Variants in ATP13A3 observed in about 807,000 individuals in gnomAD.
ATP13A3 encodes the protein ATPase 13A3.
In ATP13A3, 59 loss-of-function variants were observed where a neutral mutation model predicts 158.1. The ratio of observed to expected loss-of-function variants is 0.37; its 90% CI spans 0.30 to 0.46. The LOEUF (loss-of-function observed/expected upper bound fraction) is 0.46. Ranked by LOEUF, ATP13A3 falls within the 20% of genes least tolerant of loss-of-function variation. The pLI, the probability that ATP13A3 is intolerant of heterozygous loss-of-function variation, is 1.00. For missense variants in ATP13A3, 1,166 were observed against 1,525.2 expected, an observed-to-expected ratio of 0.76 and a Z score of 3.92; for synonymous variants, 491 against 504.3, an observed-to-expected ratio of 0.97 and a Z score of 0.35.
intron 22 of ATP13A3, among the ~76,000 whole-genome samples, chr3:194,431,491 G>C (rs1164572947): frequency 1.3e-5 from 2 of 152,122 alleles, no homozygotes; most frequent in Non-Finnish European, 2.9e-5. Context: ...TGGAATTCTT[G>C]TACTTTAAAA....
chr3:194,429,174 A>G (rs1203945391), intron 27 of ATP13A3, among the ~76,000 whole-genome samples: 2 of 152,184 alleles, frequency 1.3e-5, no homozygotes, highest in African/African-American at 4.8e-5. Flanking sequence ...CACACCTGTA[A>G]TCCCAGCACT....
rs145391632 is a variant in ATP13A3, at chr3:194,453,491, C to T, written c.838+215G>A. On this transcript the variant is annotated intron_variant, in intron 10 of 33. Transcript: ENST00000645319. ...GCATGCACCTGTAGTCCCAGCTACT[C>T]GGGAGCCTAAAGTGGGAGGATTACT... 0.019 allele frequency among the ~76,000 whole-genome samples: 2,899 copies of T among 151,824 alleles called. 45 individuals are homozygous for T. Among genetic ancestry groups the T allele is most frequent in the Non-Finnish European group, 0.03 (2,009 of 67,962 alleles).
chr3:194,422,733 G>A (rs1231503832), intron 30 of ATP13A3, among the ~76,000 whole-genome samples: 3 of 151,712 alleles, frequency 2.0e-5, no homozygotes, highest in Non-Finnish European at 2.9e-5. Flanking sequence ...TAGTGACTCC[G>A]AAATAAGGTA....
chr3:194,445,572 C>T (rs1472281437), intron 14 of ATP13A3, among the ~76,000 whole-genome samples: 1 of 152,164 alleles, frequency 6.6e-6, no homozygotes, highest in African/African-American at 2.4e-5. Context: ...TTATTATACA[C>T]ACATCTTTTC....
Position 194,481,384 on chromosome 3 carries a change from GA to G in ATP13A3, c.-47+4409del, listed in dbSNP as rs199962148. On this transcript the variant is annotated intron_variant, in intron 2 of 33. Coordinates refer to ENST00000645319, the MANE Select transcript of ATP13A3 (RefSeq NM_001367549.1). ...AACCCTTAAAAGTTGGCTCTCACTGGAAAAAAAAAATGCAAAAGTTTTGAGA... is the reference window on the plus strand; with the variant it reads ...AACCCTTAAAAGTTGGCTCTCACTGGAAAAAAAAATGCAAAAGTTTTGAGA... Among the ~76,000 whole-genome samples the G allele has an allele frequency of 4.4e-4, 65 of 148,572 alleles. 1 individual carries two copies. Among genetic ancestry groups the G allele is most frequent in the Non-Finnish European group, 8.1e-4 (54 of 66,886 alleles).
In ATP13A3 at chr3:194,450,500, T is replaced by TG; in HGVS notation, c.839-225dup. ...TGCTAGGACACCAGCTGTGCACCGG[T>TG]GATGCCAAGTACCCTCTGACGAAGC... is the stretch of plus-strand genomic sequence containing the variant. On this transcript the variant is annotated intron_variant, in intron 10 of 33. Coordinates refer to ENST00000645319, the MANE Select transcript of ATP13A3 (RefSeq NM_001367549.1). 3 of 480,934 alleles carry TG rather than the reference T, an allele frequency of 6.2e-6. No homozygotes were observed. In the East Asian group the frequency reaches 1.2e-4, roughly 19 times the overall value. The allele number at this position is 480,934 out of a possible 1,614,324, so 29.8% of individuals were successfully genotyped here.
At chr3:194,421,284 T>C (rs1341913830) in intron 30 of ATP13A3, among the ~76,000 whole-genome samples, 2 of 145,352 alleles carry the variant, frequency 1.4e-5, no homozygotes, top group African/African-American at 5.2e-5. Context: ...CTGGGCACGG[T>C]GGCTCACGCC....
chr3:194,431,218 C>T lies in ATP13A3; in HGVS notation c.2430G>A (p.Pro810=), dbSNP rs748810295. 26 of 1,611,238 alleles carry T rather than the reference C, an allele frequency of 1.6e-5. No homozygotes were observed. Among genetic ancestry groups the T allele is most frequent in the Middle Eastern group, 1.7e-4 (1 of 6,056 alleles). ...CTAAGCTATCATGGACCAATTTAACCGGAATAGCCTGTGTATATGAGACAT... is the reference window on the plus strand; with the variant it reads ...CTAAGCTATCATGGACCAATTTAACTGGAATAGCCTGTGTATATGAGACAT... ...HPSAIDPEAI[P]VKLVHDSLED... is the part of the protein sequence containing the mutation. The change falls in exon 23 of 34, where the codon CCG becomes CCA. Residue 810 remains proline (P), a synonymous_variant. Coordinates refer to ENST00000645319, the MANE Select transcript of ATP13A3 (RefSeq NM_001367549.1).
Position 194,448,368 on chromosome 3 carries a change from G to C in ATP13A3, c.1150+89C>G. 1 of 1,474,224 alleles carries C rather than the reference G, an allele frequency of 6.8e-7. No individual in the cohort carries two copies. The highest frequency in any genetic ancestry group is 1.2e-5 in the South Asian group (1 of 84,186). 91.3% of individuals were successfully genotyped at this position (1,474,224 alleles called of 1,614,324 possible). ...GCTGGGATTACAGGCGTTAGCCACAGCACCCAGCCCAGAATCTCTTTTTAA... is the reference window on the plus strand; with the variant it reads ...GCTGGGATTACAGGCGTTAGCCACACCACCCAGCCCAGAATCTCTTTTTAA... On this transcript the variant is annotated intron_variant, in intron 12 of 33. Transcript: ENST00000645319. This position sits in a 1 kb window ranked among gnomAD's most constrained non-coding sequence, Gnocchi z 4.0.
Position 194,453,793 on chromosome 3 carries a change from A to C in ATP13A3, c.766-15T>G. 6.2e-7 allele frequency: 1 copy of C among 1,609,202 alleles called. No homozygotes were observed. The highest frequency in any genetic ancestry group is 8.5e-7 in the Non-Finnish European group (1 of 1,176,392). On this transcript the variant is annotated splice_polypyrimidine_tract_variant and intron_variant, in intron 9 of 33. Transcript: ENST00000645319. The stretch of plus-strand genomic sequence containing the variant: ...ATAACATATTGCTGAAAGAGGAAAA[A>C]GAAGTTAGAAACTAGCCAATATGAA...
At chr3:194,419,429 CT>C (rs1716129847) in intron 31 of ATP13A3, among the ~76,000 whole-genome samples, 1 of 152,088 alleles carries the variant, frequency 6.6e-6, no homozygotes, top group African/African-American at 2.4e-5. Flanking sequence ...TATCTCTTTA[CT>C]ATTTTTTAAT....
rs1157870860 is a variant in ATP13A3, at chr3:194,407,754, C to T, written c.3574-1638G>A. Among the ~76,000 whole-genome samples the T allele has an allele frequency of 3.9e-5, 6 of 152,098 alleles. No individual in the cohort carries two copies. The East Asian group carries it at 1.2e-3, about 29-fold the overall frequency. On this transcript the variant is annotated intron_variant, in intron 33 of 33. Coordinates refer to ENST00000645319, the MANE Select transcript of ATP13A3 (RefSeq NM_001367549.1). ...CCTAGTAGCCTTTTTACTGTCATAA[C>T]TAAAGAGAGTTATATCAGCATCACC... is the stretch of plus-strand genomic sequence containing the variant.
rs1714737538 is a variant in ATP13A3 at position 194,403,354 on chromosome 3, T to C, written c.*2565A>G. ...TTAGCCACTTGTATTCAAGCATTAT[T>C]TGCAGCATTGCTTTACAGCAGTTGG... On this transcript the variant is annotated 3_prime_UTR_variant, in exon 34 of 34. Transcript: ENST00000645319. The C allele has an allele frequency of 1.3e-5, 2 of 152,252 alleles. No individual in the cohort carries two copies. Among genetic ancestry groups the C allele is most frequent in the South Asian group, 2.1e-4 (1 of 4,836 alleles). The allele number at this position is 152,252 out of a possible 1,614,324, so 9.4% of individuals were successfully genotyped here.
chr3:194,443,828 A>G (rs1032245598), intron 15 of ATP13A3, among the ~76,000 whole-genome samples: 2 of 152,202 alleles, frequency 1.3e-5, no homozygotes, highest in African/African-American at 4.8e-5. Flanking sequence ...ATAATTTTCA[A>G]TACACAATAT....
rs184890113 is a variant in ATP13A3, at chr3:194,402,823, T to C, written c.*3096A>G. Reference sequence around the variant, plus strand: ...GAGCAGCAATACAATTTTAAAAATATAAAGATGCAGTATCATTTCTGATAT... The same window carrying C: ...GAGCAGCAATACAATTTTAAAAATACAAAGATGCAGTATCATTTCTGATAT... On this transcript the variant is annotated 3_prime_UTR_variant, in exon 34 of 34. Coordinates refer to ENST00000645319, the MANE Select transcript of ATP13A3 (RefSeq NM_001367549.1). 10 of 152,334 alleles carry C rather than the reference T, an allele frequency of 6.6e-5. No individual in the cohort carries two copies. The highest frequency in any genetic ancestry group is 5.9e-4 in the Admixed American group (9 of 15,302). 9.4% of individuals were successfully genotyped at this position (152,334 alleles called of 1,614,324 possible). A position where few individuals can be genotyped will look rare whatever the true frequency, so the allele number is the denominator to read the frequency against.
In ATP13A3 at chr3:194,431,816, A is replaced by G. The variant is rs1205728780; in HGVS notation, c.2322T>C (p.Ala774=). Residue 774 remains alanine (A), a synonymous_variant, in exon 22 of 34, where the codon GCT becomes GCC. Transcript: ENST00000645319. ...TCCCATCCTTTGGAGGTAATGCTTC[A>G]GCAATAATCACTTTATCCTGAGGTA... The part of the protein sequence containing the change: ...MILPQDKVII[A]EALPPKDGKV... The G allele has an allele frequency of 2.3e-5, 37 of 1,613,368 alleles. No homozygotes were observed. The highest frequency in any genetic ancestry group is 3.1e-5 in the Non-Finnish European group (37 of 1,179,726).
intron 15 of ATP13A3, among the ~76,000 whole-genome samples, chr3:194,443,738 A>G (rs1718204419): frequency 6.6e-6 from 1 of 152,198 alleles, no homozygotes; most frequent in Non-Finnish European, 1.5e-5. Flanking sequence ...GAAGACACAA[A>G]CAAAACTACA....
At chr3:194,416,256 G>A (rs185021209) in intron 31 of ATP13A3, among the ~76,000 whole-genome samples, 11 of 152,200 alleles carry the variant, frequency 7.2e-5, no homozygotes, top group African/African-American at 2.4e-4. Context: ...TCAGGAGTTC[G>A]ATACCAGTCT....
At chr3:194,461,159 T>C (rs953823435) in intron 3 of ATP13A3, among the ~76,000 whole-genome samples, 5 of 152,208 alleles carry the variant, frequency 3.3e-5, no homozygotes, top group African/African-American at 1.2e-4. Flanking sequence ...TCTTTTTAAT[T>C]CTTCTTGAAT....
Sources: gnomAD v4.1 joint callset for allele counts (sites outside exome capture counted in the v4.1 genomes callset) on GRCh38, gnomAD v4.1.1 for gene constraint, Gnocchi (gnomAD v3.1) non-coding constraint, MANE v1.5 for transcripts, NCBI Gene and HGNC (gene_info 2026-07-23, HGNC 2026-07-21) for gene names.